The following ASTN1 variants were observed in gnomAD, a reference collection of about 807,000 sequenced individuals.
The protein encoded by ASTN1 is astrotactin-1.
Under a neutral mutation model 140.7 loss-of-function variants are expected in ASTN1, and 41 were observed. The observed-to-expected ratio is 0.29, with a 90% CI of 0.23 to 0.38. ASTN1 has a LOEUF of 0.38. ASTN1 is among the 10% of genes least tolerant of loss of function. ASTN1 has a pLI of 1.00. For synonymous variants in ASTN1, 640 were observed against 652.2 expected, an observed-to-expected ratio of 0.98 and a Z score of 0.29; for missense variants, 1,479 against 1,678.8, an observed-to-expected ratio of 0.88 and a Z score of 2.08.
At chr1:176,986,189 A>G (rs1267958073) in intron 8 of ASTN1, among the ~76,000 whole-genome samples, 6 of 152,206 alleles carry the variant, frequency 3.9e-5, no homozygotes, top group Admixed American at 6.5e-5. Flanking sequence ...TTGTGGACAG[A>G]AAAACCAGGA....
At chr1:177,000,528 A>T (rs1431758686) in intron 8 of ASTN1, among the ~76,000 whole-genome samples, 1 of 152,170 alleles carries the variant, frequency 6.6e-6, no homozygotes, top group African/African-American at 2.4e-5. Context: ...AGACATTAAC[A>T]TGTAGCCAGC....
intron 2 of ASTN1, among the ~76,000 whole-genome samples, chr1:177,045,220 A>T (rs1229808400): frequency 6.6e-6 from 1 of 152,120 alleles, no homozygotes; most frequent in East Asian, 1.9e-4. Context: ...CTTAATCCCT[A>T]ATTCTGTTGC....
intron 8 of ASTN1, among the ~76,000 whole-genome samples, chr1:176,991,730 AGACT>A (rs1674186969): frequency 1.3e-5 from 2 of 152,218 alleles, no homozygotes; most frequent in South Asian, 4.1e-4. Flanking sequence ...TAGGTTTCAG[AGACT>A]GACTATCTTG....
chr1:177,051,340 A>G (rs1677532579), intron 2 of ASTN1, among the ~76,000 whole-genome samples: 1 of 152,250 alleles, frequency 6.6e-6, no homozygotes, highest in South Asian at 2.1e-4. Flanking sequence ...TATGGCCTCC[A>G]GGCCAAATGT....
chr1:176,944,142 A>G, intron 13 of ASTN1, 124 bp from the exon 14 acceptor site: 1 of 1,290,018 alleles, frequency 7.8e-7, no homozygotes, highest in South Asian at 1.3e-5. Context: ...CAATGGCAGG[A>G]TCTCAGCTCA....
chr1:177,150,431 A>C (rs1186908463), intron 1 of ASTN1, among the ~76,000 whole-genome samples: 1 of 152,180 alleles, frequency 6.6e-6, no homozygotes, highest in East Asian at 1.9e-4. Flanking sequence ...TTTGACTGGT[A>C]GATGCTGTAT....
At chr1:176,927,688 C>T (rs766150321) in intron 16 of ASTN1, among the ~76,000 whole-genome samples, 12 of 152,162 alleles carry the variant, frequency 7.9e-5, no homozygotes, top group Non-Finnish European at 1.6e-4. Context: ...GATGAAGACT[C>T]AAAGATTAAC....
chr1:177,139,899 C>G (rs1314644891), intron 1 of ASTN1, among the ~76,000 whole-genome samples: 1 of 152,072 alleles, frequency 6.6e-6, no homozygotes, highest in African/African-American at 2.4e-5. Flanking sequence ...TCTACAAAAT[C>G]AATCACTGTA....
At chr1:177,104,331 C>A (rs1193510471) in intron 1 of ASTN1, among the ~76,000 whole-genome samples, 2 of 152,126 alleles carry the variant, frequency 1.3e-5, no homozygotes, top group Non-Finnish European at 2.9e-5. Flanking sequence ...TAAGAAACTG[C>A]TGCATATTCC....
At chr1:176,995,859 G>C (rs1390745641) in intron 8 of ASTN1, among the ~76,000 whole-genome samples, 6 of 152,188 alleles carry the variant, frequency 3.9e-5, no homozygotes, top group Non-Finnish European at 7.3e-5. Context: ...TAAAATGCCA[G>C]CCCAAGAGCA....
chr1:177,032,022 C>T (rs1676468398), intron 3 of ASTN1, among the ~76,000 whole-genome samples: 1 of 152,180 alleles, frequency 6.6e-6, no homozygotes, highest in Non-Finnish European at 1.5e-5. Flanking sequence ...GCCCAATTCT[C>T]AGGAGTCATA....
intron 2 of ASTN1, among the ~76,000 whole-genome samples, chr1:177,036,048 T>C (rs942394848): frequency 2.8e-5 from 4 of 141,866 alleles, no homozygotes; most frequent in Non-Finnish European, 4.6e-5. Flanking sequence ...TTTTTTTTTT[T>C]TTTTTTTTTT....
chr1:176,999,837 TTC>T (rs1293141881), intron 8 of ASTN1, among the ~76,000 whole-genome samples: 5 of 152,170 alleles, frequency 3.3e-5, no homozygotes, highest in African/African-American at 1.2e-4. Context: ...CTGGCACTTA[TTC>T]TCTCTCCTGC....
At chr1:176,914,052 A>T (rs549457614) in intron 16 of ASTN1, among the ~76,000 whole-genome samples, 1 of 152,328 alleles carries the variant, frequency 6.6e-6, no homozygotes, top group South Asian at 2.1e-4. Flanking sequence ...TCTAAGTCTC[A>T]TGGGGAAGGG....
At chr1:177,019,771 G>A (rs1203482534) in intron 7 of ASTN1, among the ~76,000 whole-genome samples, 5 of 152,206 alleles carry the variant, frequency 3.3e-5, no homozygotes, top group African/African-American at 1.2e-4. Flanking sequence ...TCCAGCTCCA[G>A]TTCTTCCATA....
In ASTN1 at chr1:176,957,687, A is replaced by G. The variant is rs753848517; in HGVS notation, c.1878T>C (p.Thr626=). Residue 626 remains threonine (T), a synonymous_variant, in exon 11 of 23, where the codon ACT becomes ACC. Transcript: ENST00000361833. ...RCISDRKLDS[T]GCVCPSGLSP... ...TGCAGGGCAGACCTACCACGCAACCAGTGGAGTCCAGCTTGCGATCTGAAA... is the reference window on the plus strand; with the variant it reads ...TGCAGGGCAGACCTACCACGCAACCGGTGGAGTCCAGCTTGCGATCTGAAA... 7.4e-6 allele frequency: 12 copies of G among 1,614,042 alleles called. No homozygotes were observed. The highest frequency in any genetic ancestry group is 2.2e-5 in the East Asian group (1 of 44,864).
At chr1:176,908,747 G>A (rs995026565) in intron 16 of ASTN1, among the ~76,000 whole-genome samples, 2 of 152,136 alleles carry the variant, frequency 1.3e-5, no homozygotes, top group Non-Finnish European at 2.9e-5. Context: ...TTTGATGGTA[G>A]GAGCCATTCT....
intron 1 of ASTN1, among the ~76,000 whole-genome samples, chr1:177,148,827 T>G (rs1434386786): frequency 6.6e-6 from 1 of 151,784 alleles, no homozygotes; most frequent in East Asian, 1.9e-4. Flanking sequence ...GTGACCTCAG[T>G]GCAATGAAGC....
At chr1:176,887,971 T>C (rs1290351391) in intron 18 of ASTN1, 100 bp downstream of exon 18, 2 of 1,511,674 alleles carry the variant, frequency 1.3e-6, no homozygotes, top group Admixed American at 1.8e-5. Flanking sequence ...TTGTGTCATA[T>C]TTTTCTTTGT....
Sources: allele counts gnomAD v4.1 joint callset (sites outside exome capture counted in the v4.1 genomes callset), GRCh38; gene constraint gnomAD v4.1.1; transcripts MANE v1.5; gene names NCBI Gene and HGNC (gene_info 2026-07-23, HGNC 2026-07-21).